NTRK3: variants seen among roughly 807,000 people sequenced by gnomAD.
NTRK3 encodes NT-3 growth factor receptor.
NTRK3 carries 24 observed loss-of-function variants against 91.7 expected under a neutral mutation model. The ratio of observed to expected loss-of-function variants is 0.26; its 90% CI spans 0.19 to 0.37. NTRK3 has a LOEUF of 0.37. Ranked by LOEUF, NTRK3 falls within the 10% of genes least tolerant of loss-of-function variation. The pLI is 1.00. For synonymous variants in NTRK3, 483 were observed against 404.0 expected (o/e 1.20, Z -2.34); for missense variants, 880 against 1,068.9 (o/e 0.82, Z 2.46).
intron 13 of NTRK3, among the ~76,000 whole-genome samples, chr15:88,057,168 CAAAAAAAA>C (rs547432747): frequency 3.4e-4 from 20 of 59,178 alleles, no homozygotes; most frequent in Admixed American, 6.0e-4. Flanking sequence ...AACTCCGTCT[CAAAAAAAA>C]AAAAAAAGAA....
chr15:88,003,647 C>T (rs2076273112), intron 14 of NTRK3, among the ~76,000 whole-genome samples: 1 of 152,134 alleles, frequency 6.6e-6, no homozygotes, highest in South Asian at 2.1e-4. Context: ...CACTGCTCCG[C>T]TGAGAAGAAA....
chr15:88,042,390 C>A (rs543665216), intron 13 of NTRK3, among the ~76,000 whole-genome samples: 1 of 152,266 alleles, frequency 6.6e-6, no homozygotes, highest in African/African-American at 2.4e-5. Flanking sequence ...GCCTTCTGTT[C>A]CTAGACTTGT....
At chr15:88,042,267 G>C (rs1015161168) in intron 13 of NTRK3, among the ~76,000 whole-genome samples, 1 of 152,328 alleles carries the variant, frequency 6.6e-6, no homozygotes, top group East Asian at 1.9e-4. Context: ...AAAGAGGCTG[G>C]TCCTCAGAGG....
chr15:87,977,437 C>T (rs548754276), intron 14 of NTRK3: 36 of 213,574 alleles, frequency 1.7e-4, no homozygotes, highest in Admixed American at 4.7e-4. Flanking sequence ...GGAAACACAA[C>T]GCCCCATTGT....
chr15:88,206,485 C>T (rs1446738476), intron 3 of NTRK3, among the ~76,000 whole-genome samples: 4 of 147,698 alleles, frequency 2.7e-5, no homozygotes, highest in Admixed American at 1.4e-4. Context: ...GGTGAAACCC[C>T]GTCTCTACTA....
At chr15:87,907,211 A>G (rs1245937422) in intron 17 of NTRK3, among the ~76,000 whole-genome samples, 1 of 152,232 alleles carries the variant, frequency 6.6e-6, no homozygotes, top group Admixed American at 6.5e-5. Flanking sequence ...ATGCGACTGA[A>G]ATACATACAA....
intron 5 of NTRK3, among the ~76,000 whole-genome samples, chr15:88,156,983 A>C (rs2043965065): frequency 6.6e-6 from 1 of 152,108 alleles, no homozygotes; most frequent in Non-Finnish European, 1.5e-5. Context: ...ACAGTGCACA[A>C]AGAGACTCTG....
At chr15:87,875,087 C>T (rs185165619) in exon 19 of NTRK3, 265 of 230,852 alleles carry the variant, frequency 1.1e-3, no homozygotes, top group African/African-American at 5.1e-3. Context: ...TAATTCAGTA[C>T]TAAACCCCAC....
At chr15:88,048,796 A>G (rs980217347) in intron 13 of NTRK3, among the ~76,000 whole-genome samples, 6 of 152,230 alleles carry the variant, frequency 3.9e-5, no homozygotes, top group African/African-American at 1.4e-4. Flanking sequence ...TCTTACCAGG[A>G]AAGGAGATTT....
At chr15:88,117,365 C>G (rs1003632260) in intron 13 of NTRK3, among the ~76,000 whole-genome samples, 1 of 152,158 alleles carries the variant, frequency 6.6e-6, no homozygotes, top group Non-Finnish European at 1.5e-5. Context: ...TGTTTGATGC[C>G]TGTCACTCTC....
chr15:87,888,588 T>C (rs28555382), intron 17 of NTRK3, among the ~76,000 whole-genome samples: 4,881 of 152,258 alleles, frequency 0.032, 278 homozygotes, highest in African/African-American at 0.11. Flanking sequence ...GGGGGTGACC[T>C]TGACCCCTTT....
intron 14 of NTRK3, among the ~76,000 whole-genome samples, chr15:87,995,168 A>T (rs1405409333): frequency 6.6e-6 from 1 of 152,212 alleles, no homozygotes; most frequent in African/African-American, 2.4e-5. Context: ...AGAGTGTCCC[A>T]TGGAGCCCAG....
chr15:87,909,269 G>A (rs1198901102), intron 17 of NTRK3, among the ~76,000 whole-genome samples: 1 of 152,146 alleles, frequency 6.6e-6, no homozygotes. Flanking sequence ...AAGGGCTCCT[G>A]AGAAGTGAGA....
intron 13 of NTRK3, among the ~76,000 whole-genome samples, chr15:88,044,955 C>T (rs964250013): frequency 5.9e-5 from 9 of 152,234 alleles, no homozygotes; most frequent in African/African-American, 2.2e-4. Flanking sequence ...ACCACAGGCC[C>T]TACCTTTGCA....
rs536146893 is a variant in NTRK3 at position 88,058,379 on chromosome 15, G to A, written c.1397-25334C>T. On this transcript the variant is annotated intron_variant, in intron 13 of 18. Coordinates refer to ENST00000394480, the Ensembl canonical transcript of NTRK3. ...CCAACCTCATAGGATTGTTTTGAGGGTTAAATGAATATGTGAAAAGTGTTT... is the reference window on the plus strand; with the variant it reads ...CCAACCTCATAGGATTGTTTTGAGGATTAAATGAATATGTGAAAAGTGTTT... 2.2e-4 allele frequency among the ~76,000 whole-genome samples: 33 copies of A among 152,270 alleles called. No individual in the cohort carries two copies. In the South Asian group the frequency reaches 6.8e-3, roughly 32 times the overall value.
chr15:88,139,553 CTA>C (rs1347654875), intron 6 of NTRK3, among the ~76,000 whole-genome samples: 1 of 152,152 alleles, frequency 6.6e-6, no homozygotes, highest in East Asian at 1.9e-4. Flanking sequence ...GCAAATACCC[CTA>C]TGTGGTATCA....
intron 14 of NTRK3, among the ~76,000 whole-genome samples, chr15:88,004,544 C>T (rs187306054): frequency 1.6e-4 from 25 of 152,246 alleles, no homozygotes; most frequent in African/African-American, 6.0e-4. Context: ...CAACATGTTG[C>T]CAAGCATCAT....
At chr15:88,210,235 A>G (rs1461545254) in intron 3 of NTRK3, among the ~76,000 whole-genome samples, 2 of 152,306 alleles carry the variant, frequency 1.3e-5, no homozygotes, top group East Asian at 3.9e-4. Context: ...GGGCCTCTCA[A>G]AGGGAGGCAG....
At chr15:88,144,324 C>A (rs1056681338) in intron 6 of NTRK3, among the ~76,000 whole-genome samples, 1 of 152,234 alleles carries the variant, frequency 6.6e-6, no homozygotes. Flanking sequence ...GTACGCCCCC[C>A]TGGACAGAGG....
Sources: gnomAD v4.1 joint callset for allele counts (sites outside exome capture counted in the v4.1 genomes callset) on GRCh38, gnomAD v4.1.1 for gene constraint, MANE v1.5 for transcripts, NCBI Gene and HGNC (gene_info 2026-07-23, HGNC 2026-07-21) for gene names.